Variants in FMN2 observed in about 807,000 individuals in gnomAD.
FMN2 encodes the protein formin 2, also known as formin-2.
Under a neutral mutation model 142.3 loss-of-function variants are expected in FMN2, and 51 were observed. The ratio of observed to expected loss-of-function variants is 0.36; its 90% CI spans 0.29 to 0.45. The LOEUF (loss-of-function observed/expected upper bound fraction) is 0.45, where lower values mean the gene tolerates loss of function less well. FMN2 is among the 20% of genes least tolerant of loss of function. The pLI is 1.00. For synonymous variants in FMN2, 882 were observed against 869.8 expected (o/e 1.01, Z -0.25); for missense variants, 1,936 against 2,122.8 (o/e 0.91, Z 1.73).
intron 16 of FMN2, 105 bp from the exon 17 acceptor site, chr1:240,472,267 A>C (rs1676837082): frequency 9.1e-6 from 7 of 772,512 alleles, no homozygotes; most frequent in Middle Eastern, 4.7e-4. Context: ...TATTTTCTGC[A>C]GTAATTCAAA....
rs202152569 is a variant in FMN2 at position 240,123,356 on chromosome 1, G to T, written c.1782+11G>T. On this transcript the variant is annotated intron_variant, in intron 2 of 17. Coordinates refer to ENST00000319653, the MANE Select transcript of FMN2 (RefSeq NM_020066.5). Reference sequence around the variant, plus strand: ...GCAGCTTCGTTTGATGTAAGTAGGAGAATTCACTTCTGTCCGTGAGGCAGA... The same window carrying T: ...GCAGCTTCGTTTGATGTAAGTAGGATAATTCACTTCTGTCCGTGAGGCAGA... 9.4e-5 allele frequency: 151 copies of T among 1,611,070 alleles called. No homozygotes were observed. In the African/African-American group the frequency reaches 1.8e-3, roughly 19 times the overall value.
chr1:240,210,710 A>AT (rs1318388022), intron 5 of FMN2, among the ~76,000 whole-genome samples: 1 of 152,130 alleles, frequency 6.6e-6, no homozygotes, highest in African/African-American at 2.4e-5. Context: ...GTAAATATGT[A>AT]TTTTTTAACC....
At chr1:240,363,178 G>A (rs1015439507) in intron 14 of FMN2, among the ~76,000 whole-genome samples, 8 of 152,158 alleles carry the variant, frequency 5.3e-5, no homozygotes, top group African/African-American at 1.9e-4. Flanking sequence ...TTTATGCAGG[G>A]TGAGCATGTT....
In FMN2 at chr1:240,211,074, CT is replaced by C; in HGVS notation, c.3921-13del. 6.3e-7 allele frequency: 1 copy of C among 1,583,610 alleles called. No individual in the cohort carries two copies. On this transcript the variant is annotated splice_polypyrimidine_tract_variant and intron_variant, in intron 5 of 17. Coordinates refer to ENST00000319653, the MANE Select transcript of FMN2 (RefSeq NM_020066.5). ...TCAGTTTGATGGCTGTTTTATTGTT[CT>C]TTTGCTTAATTTTAGAGACTCCAGT...
chr1:240,270,259 G>A (rs1466878283), intron 7 of FMN2, among the ~76,000 whole-genome samples: 1 of 152,028 alleles, frequency 6.6e-6, no homozygotes, highest in Non-Finnish European at 1.5e-5. Flanking sequence ...CCAAGGATGT[G>A]GGGAAAAGAG....
chr1:240,357,952 T>G (rs1476143983), intron 14 of FMN2, among the ~76,000 whole-genome samples: 1 of 27,934 alleles, frequency 3.6e-5, no homozygotes, highest in Non-Finnish European at 5.5e-5. Flanking sequence ...GATATTAACT[T>G]TTTTTTTAAT....
intron 4 of FMN2, among the ~76,000 whole-genome samples, chr1:240,202,715 C>T (rs1360044007): frequency 6.6e-6 from 1 of 152,166 alleles, no homozygotes; most frequent in East Asian, 1.9e-4. Context: ...CCTCCCACTT[C>T]AGCCTCGGAA....
intron 2 of FMN2, chr1:240,142,826 A>G: frequency 6.3e-7 from 1 of 1,586,646 alleles, no homozygotes; most frequent in Non-Finnish European, 8.6e-7. Context: ...TAGGCTTGCC[A>G]GCCTGGCCCA....
intron 2 of FMN2, among the ~76,000 whole-genome samples, chr1:240,156,075 C>G (rs1664013303): frequency 6.6e-6 from 1 of 151,874 alleles, no homozygotes; most frequent in Non-Finnish European, 1.5e-5. Context: ...TCTGTCTCTA[C>G]TAAACAACAA....
chr1:240,180,174 G>A (rs747688687), intron 3 of FMN2: 27 of 1,284,374 alleles, frequency 2.1e-5, no homozygotes, highest in Non-Finnish European at 2.8e-5. Context: ...TGAAGAGGAT[G>A]ATGGAGGTAA....
chr1:240,221,403 C>T (rs1469582156), intron 6 of FMN2, among the ~76,000 whole-genome samples: 3 of 152,108 alleles, frequency 2.0e-5, no homozygotes, highest in Non-Finnish European at 2.9e-5. Context: ...TTTTAATGAT[C>T]GCCATTCTGA....
intron 2 of FMN2, chr1:240,144,716 A>G (rs1457577439): frequency 8.4e-6 from 11 of 1,308,820 alleles, no homozygotes; most frequent in South Asian, 5.9e-5. Flanking sequence ...ATTCTCATCA[A>G]TGTCCTTCTC....
chr1:240,104,706 G>C (rs966128704), intron 1 of FMN2, among the ~76,000 whole-genome samples: 1 of 152,062 alleles, frequency 6.6e-6, no homozygotes, highest in African/African-American at 2.4e-5. Context: ...AAAAATCTAC[G>C]AACTTTTCTG....
chr1:240,352,501 G>T (rs1672127394), intron 13 of FMN2, among the ~76,000 whole-genome samples: 1 of 152,116 alleles, frequency 6.6e-6, no homozygotes, highest in Non-Finnish European at 1.5e-5. Context: ...AGAATCGCTT[G>T]AACCGGGAGA....
At position 240,427,886 on chromosome 1, in the gene FMN2, C is replaced by CTATATG. The variant is rs1445631576; in HGVS notation, c.4911-10175_4911-10174insTATATG. On this transcript the variant is annotated intron_variant, in intron 15 of 17. Coordinates refer to ENST00000319653, the MANE Select transcript of FMN2 (RefSeq NM_020066.5). ...TTGTCCATTTTTGTGATGTCACCAG[C>CTATATG]CTTTGGGAATCAGTGTCTATATGTT... 5.4e-4 allele frequency among the ~76,000 whole-genome samples: 82 copies of CTATATG among 152,232 alleles called. 1 individual carries two copies. In the South Asian group the frequency reaches 0.015, roughly 28 times the overall value.
At chr1:240,417,580 C>T (rs1244536577) in intron 15 of FMN2, among the ~76,000 whole-genome samples, 1 of 150,988 alleles carries the variant, frequency 6.6e-6, no homozygotes, top group East Asian at 1.9e-4. Context: ...AAACAAGTTT[C>T]CTTACTGTCC....
chr1:240,170,124 G>T, intron 2 of FMN2: 1 of 638,070 alleles, frequency 1.6e-6, no homozygotes, highest in Non-Finnish European at 2.8e-6. Context: ...TCTAGGTTCT[G>T]CATTAATATA....
At chr1:240,369,047 G>A (rs1474482820) in intron 14 of FMN2, among the ~76,000 whole-genome samples, 6 of 151,726 alleles carry the variant, frequency 4.0e-5, no homozygotes, top group African/African-American at 1.2e-4. Flanking sequence ...GTGTGCACGC[G>A]CACGCACCCT....
At position 240,144,829 on chromosome 1, in the gene FMN2, C is replaced by T. The variant is rs146984958; in HGVS notation, c.1782+21484C>T. 3,595 of 1,444,824 alleles carry T rather than the reference C, an allele frequency of 2.5e-3. 9 individuals carry two copies. Among genetic ancestry groups the T allele is most frequent in the Non-Finnish European group, 3.2e-3 (3,306 of 1,027,486 alleles). The allele number at this position is 1,444,824 out of a possible 1,614,324, so 89.5% of individuals were successfully genotyped here. ...TTTCCTTCACCAGAGTGAGCAGTGG[C>T]TCCTGCTGGACCTTCTTTGCATCAT... On this transcript the variant is annotated intron_variant, in intron 2 of 17. Coordinates refer to ENST00000319653, the MANE Select transcript of FMN2 (RefSeq NM_020066.5).
Sources: gnomAD v4.1 joint callset for allele counts (sites outside exome capture counted in the v4.1 genomes callset) on GRCh38, gnomAD v4.1.1 for gene constraint, MANE v1.5 for transcripts, NCBI Gene and HGNC (gene_info 2026-07-23, HGNC 2026-07-21) for gene names.